The following PIGK variants were observed in gnomAD, a reference collection of about 807,000 sequenced individuals.
PIGK encodes the protein GPI-anchor transamidase.
In PIGK, 42 loss-of-function variants were observed where a neutral mutation model predicts 50.6. That is an observed-to-expected ratio of 0.83 (90% CI 0.65 to 1.07). The LOEUF is 1.07. PIGK is among the 50% of genes least tolerant of loss of function. The pLI is 0.00. For missense variants in PIGK, 448 were observed against 488.7 expected, an observed-to-expected ratio of 0.92 and a Z score of 0.78; for synonymous variants, 151 against 156.0, an observed-to-expected ratio of 0.97 and a Z score of 0.24.
At chr1:77,121,149 A>C (rs1024625544) in intron 10 of PIGK, among the ~76,000 whole-genome samples, 6 of 152,204 alleles carry the variant, frequency 3.9e-5, no homozygotes, top group Non-Finnish European at 8.8e-5. Flanking sequence ...CTTACTGTTA[A>C]GAACATATTG....
chr1:77,109,797 A>G (rs1653794033), intron 10 of PIGK, among the ~76,000 whole-genome samples: 2 of 152,270 alleles, frequency 1.3e-5, no homozygotes, highest in South Asian at 2.1e-4. Flanking sequence ...AGGGTATTCA[A>G]TTAGGAAAAG....
intron 10 of PIGK, among the ~76,000 whole-genome samples, chr1:77,107,245 T>C (rs1388236617): frequency 1.3e-5 from 2 of 152,220 alleles, no homozygotes; most frequent in South Asian, 2.1e-4. Flanking sequence ...AATTTCCCTC[T>C]ACACACTGCT....
At chr1:77,120,366 G>A (rs1166155087) in intron 10 of PIGK, among the ~76,000 whole-genome samples, 3 of 152,166 alleles carry the variant, frequency 2.0e-5, no homozygotes, top group African/African-American at 4.8e-5. Flanking sequence ...CTACAGGCAC[G>A]CACCACTAAG....
intron 9 of PIGK, among the ~76,000 whole-genome samples, chr1:77,136,853 ATC>A (rs1333893437): frequency 6.6e-6 from 1 of 152,084 alleles, no homozygotes; most frequent in East Asian, 1.9e-4. Flanking sequence ...AACACTTTCC[ATC>A]TCTCTGTCTA....
chr1:77,105,518 A>G (rs1428461156), intron 10 of PIGK, among the ~76,000 whole-genome samples: 1 of 151,912 alleles, frequency 6.6e-6, no homozygotes, highest in Non-Finnish European at 1.5e-5. Context: ...CATGAAAACT[A>G]GAAACTACCA....
chr1:77,170,532 T>A (rs1655335641), intron 3 of PIGK, among the ~76,000 whole-genome samples: 2 of 152,300 alleles, frequency 1.3e-5, no homozygotes, highest in South Asian at 4.2e-4. Flanking sequence ...CCACCCCCAT[T>A]AGGATATAAG....
chr1:77,098,933 T>C (rs990916379), intron 10 of PIGK, among the ~76,000 whole-genome samples: 1 of 152,194 alleles, frequency 6.6e-6, no homozygotes, highest in African/African-American at 2.4e-5. Context: ...TAAATGTTAA[T>C]AAGGACAGTT....
chr1:77,120,518 G>A (rs891361477), intron 10 of PIGK, among the ~76,000 whole-genome samples: 1 of 152,036 alleles, frequency 6.6e-6, no homozygotes, highest in South Asian at 2.1e-4. Context: ...CCACGTGCCC[G>A]GCCAAAATTT....
intron 10 of PIGK, among the ~76,000 whole-genome samples, chr1:77,096,881 C>CT (rs141858558): frequency 0.26 from 32,500 of 123,636 alleles, 3,925 homozygotes; most frequent in East Asian, 0.37. Context: ...TCGGGTTTTT[C>CT]TTTTTTTTTT....
At chr1:77,184,370 C>G (rs1174668582) in intron 3 of PIGK, among the ~76,000 whole-genome samples, 1 of 152,138 alleles carries the variant, frequency 6.6e-6, no homozygotes, top group East Asian at 1.9e-4. Context: ...GTTTACAGAT[C>G]CAGAATCCCT....
At chr1:77,202,336 G>C (rs1656189178) in intron 3 of PIGK, among the ~76,000 whole-genome samples, 1 of 152,126 alleles carries the variant, frequency 6.6e-6, no homozygotes, top group African/African-American at 2.4e-5. Flanking sequence ...AGTGCCAAAA[G>C]AGAGGCACAA....
At chr1:77,199,563 T>C (rs1656114535) in intron 3 of PIGK, among the ~76,000 whole-genome samples, 1 of 151,860 alleles carries the variant, frequency 6.6e-6, no homozygotes, top group Non-Finnish European at 1.5e-5. Flanking sequence ...TGATTATCAA[T>C]ATATTAAAAT....
At chr1:77,146,070 T>C (rs1012043274) in intron 9 of PIGK, among the ~76,000 whole-genome samples, 3 of 152,060 alleles carry the variant, frequency 2.0e-5, no homozygotes, top group African/African-American at 7.2e-5. Flanking sequence ...AGTCGAACCA[T>C]TGTAAGTAAG....
chr1:77,155,106 G>T (rs1654980751), intron 8 of PIGK, among the ~76,000 whole-genome samples: 1 of 152,170 alleles, frequency 6.6e-6, no homozygotes, highest in Non-Finnish European at 1.5e-5. Context: ...AGTTGCTCTG[G>T]ATTTTAGAAA....
At chr1:77,184,052 A>T (rs1379711106) in intron 3 of PIGK, among the ~76,000 whole-genome samples, 1 of 152,186 alleles carries the variant, frequency 6.6e-6, no homozygotes, top group East Asian at 1.9e-4. Flanking sequence ...ATTTAAATAC[A>T]GTGGAAATAA....
intron 4 of PIGK, among the ~76,000 whole-genome samples, chr1:77,167,321 T>C (rs1387681614): frequency 6.6e-6 from 1 of 152,112 alleles, no homozygotes; most frequent in Non-Finnish European, 1.5e-5. Context: ...AGCAAGACTA[T>C]GTCTCTTAGA....
intron 2 of PIGK, among the ~76,000 whole-genome samples, chr1:77,209,870 T>C (rs1656377205): frequency 1.3e-5 from 2 of 152,076 alleles, no homozygotes; most frequent in African/African-American, 4.8e-5. Flanking sequence ...TTTATGCTTA[T>C]ATATGAAGAG....
In PIGK at chr1:77,154,544, A is replaced by G. The variant is rs1216727301; in HGVS notation, c.891T>C (p.Asn297=). 5 of 1,612,038 alleles carry G rather than the reference A, an allele frequency of 3.1e-6. No homozygotes were observed. The African/African-American group carries it at 5.3e-5, about 17-fold the overall frequency. Residue 297 remains asparagine, a synonymous_variant, in exon 9 of 11, where the codon AAT becomes AAC. Transcript: ENST00000370812. The stretch of plus-strand genomic sequence containing the variant: ...TTCCAAAGAAATCAGTTATCAGTAC[A>G]TTTTTAGGATCCCTCTGAAAAAGAT... ...RTDLFQRDPK[N]VLITDFFGSV...
intron 3 of PIGK, among the ~76,000 whole-genome samples, chr1:77,175,138 G>A (rs769438427): frequency 1.2e-4 from 18 of 152,164 alleles, no homozygotes; most frequent in Non-Finnish European, 2.5e-4. Flanking sequence ...AATCAGGCAG[G>A]TCAGATATTA....
Sources: allele counts gnomAD v4.1 joint callset (sites outside exome capture counted in the v4.1 genomes callset), GRCh38; gene constraint gnomAD v4.1.1; transcripts MANE v1.5; gene names NCBI Gene and HGNC (gene_info 2026-07-23, HGNC 2026-07-21).